ICE1: variants seen among roughly 807,000 people sequenced by gnomAD.
The protein encoded by ICE1 is interactor of little elongation complex ELL subunit 1.
In ICE1, 64 loss-of-function variants were observed where a neutral mutation model predicts 192.7. The observed-to-expected ratio is 0.33, with a 90% CI of 0.27 to 0.41. The LOEUF (loss-of-function observed/expected upper bound fraction) is 0.41, where lower values mean the gene tolerates loss of function less well. Among genes scored for constraint, ICE1 ranks in the 10% least tolerant of loss-of-function variants. The probability of loss-of-function intolerance (pLI) is 1.00; values close to 1 mark genes in which losing one functional copy is unlikely to be tolerated. For missense variants in ICE1, 2,708 were observed against 2,696.0 expected, an observed-to-expected ratio of 1.00 and a Z score of -0.10; for synonymous variants, 1,010 against 984.5, an observed-to-expected ratio of 1.03 and a Z score of -0.49.
chr5:5,422,727 C>G lies in ICE1; in HGVS notation c.-189C>G. 1.1e-5 allele frequency: 4 copies of G among 367,644 alleles called. No individual in the cohort carries two copies. Among genetic ancestry groups the G allele is most frequent in the Middle Eastern group, 7.2e-4 (1 of 1,392 alleles). 22.8% of individuals were successfully genotyped at this position (367,644 alleles called of 1,614,324 possible). On this transcript the variant is annotated 5_prime_UTR_variant, in exon 1 of 19. Coordinates refer to ENST00000296564, the MANE Select transcript of ICE1 (RefSeq NM_015325.3). ...GCCGGGTAGCGTTTCTTTTTAGTGC[C>G]TGAGGCAGCTCTGGCTCGGAGAGCC...
At chr5:5,443,080 T>C (rs1738095979) in intron 5 of ICE1, 88 bp from the exon 6 acceptor site, 3 of 698,874 alleles carry the variant, frequency 4.3e-6, no homozygotes, top group Non-Finnish European at 7.2e-6. Flanking sequence ...GTTTATTTGG[T>C]TAATAGCTTA....
At position 5,439,785 on chromosome 5, in the gene ICE1, G is replaced by A. The variant is rs1737984549; in HGVS notation, c.179-110G>A. 7 of 630,180 alleles carry A rather than the reference G, an allele frequency of 1.1e-5. No homozygotes were observed. In the East Asian group the frequency reaches 2.2e-4, roughly 20 times the overall value. The allele number at this position is 630,180 out of a possible 1,614,324, so 39.0% of individuals were successfully genotyped here. A position where few individuals can be genotyped will look rare whatever the true frequency, so the allele number is the denominator to read the frequency against. ...ATAGTTTTCTAGTATTTATGATCTT[G>A]CCTGTATATATGTTGAACACAAATT... On this transcript the variant is annotated intron_variant, in intron 3 of 18. Transcript: ENST00000296564.
chr5:5,468,181 G>A (rs1006108164), intron 14 of ICE1, among the ~76,000 whole-genome samples: 1 of 152,212 alleles, frequency 6.6e-6, no homozygotes, highest in Admixed American at 6.5e-5. Context: ...ACAAATCCAT[G>A]AATAAATATT....
rs1738286929 is a variant in ICE1 at position 5,447,883 on chromosome 5, G to A, written c.590G>A (p.Gly197Glu). ...ACACAAATTTCAAGTGATTCATATGGAAGCATAGATAAAAGTGAGTATATT... is the reference window on the plus strand; with the variant it reads ...ACACAAATTTCAAGTGATTCATATGAAAGCATAGATAAAAGTGAGTATATT... ...IGTQISSDSY[G>E]SIDKRKVKLL... is the part of the protein sequence containing the mutation. Residue 197 changes from glycine (G) to glutamate (E), a missense_variant, in exon 10 of 19, where the codon GGA (glycine) becomes GAA (glutamate). Gly to Glu is a moderately conservative substitution (Grantham distance 98). Around this residue, in one of 2 missense-constraint regions of ICE1, gnomAD observed 2,366 missense variants for 2,276.6 expected, o/e 1.04. Coordinates refer to ENST00000296564, the MANE Select transcript of ICE1 (RefSeq NM_015325.3). 1.3e-6 allele frequency: 2 copies of A among 1,572,470 alleles called. No homozygotes were observed. Among genetic ancestry groups the A allele is most frequent in the Non-Finnish European group, 1.7e-6 (2 of 1,156,286 alleles).
rs921056525 is a variant in ICE1, at chr5:5,430,300, GA to G, written c.85-6109del. ...AAATGACATCTGAATCTGATTGGAG[GA>G]AAAAAAAATGTTTTATCAGAGTATT... On this transcript the variant is annotated intron_variant, in intron 1 of 18. Coordinates refer to ENST00000296564, the MANE Select transcript of ICE1 (RefSeq NM_015325.3). 1.3e-3 allele frequency among the ~76,000 whole-genome samples: 194 copies of G among 150,482 alleles called. 1 individual carries two copies. The highest frequency in any genetic ancestry group is 6.9e-3 in the Middle Eastern group (2 of 290).
intron 15 of ICE1, 108 bp from the exon 16 acceptor site, chr5:5,473,450 G>C: frequency 2.1e-6 from 2 of 930,940 alleles, no homozygotes; most frequent in Non-Finnish European, 1.6e-6. Flanking sequence ...AGCTATTTCA[G>C]ATTAAATGAT....
chr5:5,453,050 A>G (rs1364902470), intron 10 of ICE1, among the ~76,000 whole-genome samples: 1 of 152,146 alleles, frequency 6.6e-6, no homozygotes, highest in Non-Finnish European at 1.5e-5. Flanking sequence ...CTCAGTTACA[A>G]AGGCATAGCT....
At chr5:5,465,279 A>G in intron 13 of ICE1, 53 bp downstream of exon 13, 1 of 1,314,798 alleles carries the variant, frequency 7.6e-7, no homozygotes, top group Non-Finnish European at 1.0e-6. Context: ...CCTCAAAGAC[A>G]GATGCTGTTT....
chr5:5,425,944 G>T (rs1737505939), intron 1 of ICE1, among the ~76,000 whole-genome samples: 1 of 152,204 alleles, frequency 6.6e-6, no homozygotes, highest in Non-Finnish European at 1.5e-5. Context: ...AGGTCCCGAG[G>T]TTTAAAACTC....
intron 10 of ICE1, among the ~76,000 whole-genome samples, chr5:5,449,468 A>G (rs952910346): frequency 5.3e-5 from 8 of 152,088 alleles, no homozygotes; most frequent in African/African-American, 1.7e-4. Flanking sequence ...CCGGAAAAAA[A>G]AAAAACAAAA....
intron 1 of ICE1, among the ~76,000 whole-genome samples, chr5:5,433,926 T>C (rs946019277): frequency 6.6e-6 from 1 of 151,808 alleles, no homozygotes. Context: ...ATATCACTTA[T>C]GAACATAGAT....
At chr5:5,453,991 C>A (rs1388471525) in intron 10 of ICE1, among the ~76,000 whole-genome samples, 1 of 152,128 alleles carries the variant, frequency 6.6e-6, no homozygotes, top group Admixed American at 6.5e-5. Flanking sequence ...TATGTTCATA[C>A]GCACACATTC....
In ICE1 at chr5:5,479,907, A is replaced by G. The variant is rs557590593; in HGVS notation, c.6520+3828A>G. 2.6e-5 allele frequency among the ~76,000 whole-genome samples: 4 copies of G among 151,794 alleles called. No individual in the cohort carries two copies. The East Asian group carries it at 7.8e-4, about 30-fold the overall frequency. On this transcript the variant is annotated intron_variant, in intron 17 of 18. Coordinates refer to ENST00000296564, the MANE Select transcript of ICE1 (RefSeq NM_015325.3). ...TTGAACAGTGAGAACACATGGACAC[A>G]GGGGAACATCACACACTGGGGCCTG...
rs746003649 is a variant in ICE1, at chr5:5,464,507, C to A, written c.5173C>A (p.Leu1725Ile). The change falls in exon 13 of 19, where the codon CTT becomes ATT. Residue 1725 changes from leucine to isoleucine, a missense_variant. Transcript: ENST00000296564. This position sits in a 1 kb window ranked among gnomAD's most constrained non-coding sequence, Gnocchi z 4.0. ...QFCAATPKHA[L>I]PVPGRLPPCA... ...CTGTGCGGCCACGCCGAAGCACGCA[C>A]TTCCTGTGCCTGGCCGACTCCCACC... is the stretch of plus-strand genomic sequence containing the variant. 1 of 1,613,992 alleles carries A rather than the reference C, an allele frequency of 6.2e-7. No individual in the cohort carries two copies. Among genetic ancestry groups the A allele is most frequent in the South Asian group, 1.1e-5 (1 of 91,084 alleles).
chr5:5,474,209 C>CAA (rs199608820), intron 16 of ICE1, among the ~76,000 whole-genome samples: 9 of 120,608 alleles, frequency 7.5e-5, no homozygotes, highest in Admixed American at 3.3e-4. Context: ...GACTTCATCT[C>CAA]AAAAAAAAAA....
At chr5:5,450,874 C>T (rs962899309) in intron 10 of ICE1, among the ~76,000 whole-genome samples, 1 of 152,092 alleles carries the variant, frequency 6.6e-6, no homozygotes, top group Non-Finnish European at 1.5e-5. Context: ...CTGGCCAAAT[C>T]TATTTTCGTC....
intron 7 of ICE1, among the ~76,000 whole-genome samples, chr5:5,446,936 A>G (rs1738242974): frequency 6.6e-6 from 1 of 152,220 alleles, no homozygotes; most frequent in South Asian, 2.1e-4. Context: ...ATAGATCTCT[A>G]ATAAAGGTCC....
At chr5:5,456,474 A>G (rs1324334119) in intron 11 of ICE1, among the ~76,000 whole-genome samples, 1 of 152,204 alleles carries the variant, frequency 6.6e-6, no homozygotes, top group Non-Finnish European at 1.5e-5. Flanking sequence ...TGTTTACATC[A>G]GTATAGTCTC....
chr5:5,464,758 A>C lies in ICE1; in HGVS notation c.5424A>C (p.Lys1808Asn). ...TITSAATAFV[K>N]TGSSSGGDCN... ...CTTCAGCAGCAACTGCTTTTGTCAA[A>C]ACTGGGAGCAGCTCTGGTGGTGACT... is the stretch of plus-strand genomic sequence containing the variant. The change falls in exon 13 of 19, where the codon AAA becomes AAC. Residue 1808 changes from lysine (K) to asparagine (N), a missense_variant. Transcript: ENST00000296564. The surrounding 1 kb of genome is among the most constrained non-coding windows in gnomAD (Gnocchi z 4.0). 1 of 1,613,838 alleles carries C rather than the reference A, an allele frequency of 6.2e-7. No homozygotes were observed. Among genetic ancestry groups the C allele is most frequent in the Non-Finnish European group, 8.5e-7 (1 of 1,179,830 alleles).
Sources: gnomAD v4.1 joint callset for allele counts (sites outside exome capture counted in the v4.1 genomes callset) on GRCh38, gnomAD v4.1.1 for gene constraint, gnomAD v4.1.1 regional missense constraint, Gnocchi (gnomAD v3.1) non-coding constraint, MANE v1.5 for transcripts, NCBI Gene and HGNC (gene_info 2026-07-23, HGNC 2026-07-21) for gene names.